The following PDCL3 variants were observed in gnomAD, a reference collection of about 807,000 sequenced individuals.
The protein encoded by PDCL3 is phosducin like 3.
A neutral mutation model predicts 26.5 loss-of-function variants in PDCL3; 22 were observed. That is an observed-to-expected ratio of 0.83 (90% CI 0.59 to 1.19). The LOEUF (loss-of-function observed/expected upper bound fraction) is 1.19. PDCL3 is among the 50% of genes most tolerant of loss of function. The pLI, the probability that PDCL3 is intolerant of heterozygous loss-of-function variation, is 0.00. For missense variants in PDCL3, 246 were observed against 294.1 expected, an observed-to-expected ratio of 0.84 and a Z score of 1.20; for synonymous variants, 81 against 104.9, an observed-to-expected ratio of 0.77 and a Z score of 1.39.
At chr2:100,574,408 G>A (rs1027712384) in intron 5 of PDCL3, among the ~76,000 whole-genome samples, 9 of 150,768 alleles carry the variant, frequency 6.0e-5, no homozygotes, top group African/African-American at 1.5e-4. Flanking sequence ...ACCTAGAGCC[G>A]AAAATACTGG....
chr2:100,569,952 A>G (rs1172369305), intron 4 of PDCL3, among the ~76,000 whole-genome samples: 3 of 152,104 alleles, frequency 2.0e-5, no homozygotes, highest in Admixed American at 2.0e-4. Context: ...TAAAAATACA[A>G]AAACAAAATT....
rs149247434 is a variant in PDCL3 at position 100,571,794 on chromosome 2, A to G, written c.573A>G (p.Arg191=). Residue 191 remains arginine (R), a synonymous_variant, in exon 5 of 6, where the codon AGA becomes AGG. Coordinates refer to ENST00000264254, the MANE Select transcript of PDCL3 (RefSeq NM_024065.5). ...TGTTTGGCGGCATGAACCTGACAAG[A>G]GATGGTAAGGGCTCTGGGAGACAGG... ...PLVFGGMNLT[R]DELEWKLSES... 202 of 1,614,082 alleles carry G rather than the reference A, an allele frequency of 1.3e-4. No homozygotes were observed. The Middle Eastern group carries it at 2.8e-3, about 22-fold the overall frequency.
chr2:100,568,705 TG>T (rs1312859802), intron 2 of PDCL3, among the ~76,000 whole-genome samples: 1 of 151,950 alleles, frequency 6.6e-6, no homozygotes, highest in African/African-American at 2.4e-5. Context: ...TCTGAGGGCT[TG>T]GGTAAAATGT....
Position 100,566,508 on chromosome 2 carries a change from C to T in PDCL3, c.12C>T (p.Pro4=), listed in dbSNP as rs753689639. The T allele has an allele frequency of 6.2e-7, 1 of 1,612,050 alleles. No homozygotes were observed. Among genetic ancestry groups the T allele is most frequent in the Non-Finnish European group, 8.5e-7 (1 of 1,179,764 alleles). MQD[P]NADTEWNDIL... ...CCTTGGTCCCGCTCTTCTAGGACCC[C>T]AACGCAGACACTGAATGGAATGACA... is the stretch of plus-strand genomic sequence containing the variant. The change falls in exon 2 of 6, where the codon CCC becomes CCT. Residue 4 remains proline, a synonymous_variant. Coordinates refer to ENST00000264254, the MANE Select transcript of PDCL3 (RefSeq NM_024065.5).
intron 1 of PDCL3, among the ~76,000 whole-genome samples, chr2:100,564,112 C>G (rs1167129593): frequency 1.3e-5 from 2 of 151,636 alleles, no homozygotes; most frequent in African/African-American, 4.8e-5. Context: ...CCTATGTTGC[C>G]CAGCCTCAGC....
chr2:100,571,858 AGAGTGTC>A, intron 5 of PDCL3, 60 bp downstream of exon 5: 1 of 1,537,550 alleles, frequency 6.5e-7, no homozygotes, highest in South Asian at 1.1e-5. Flanking sequence ...TCTGTTGGAG[AGAGTGTC>A]TATTTCCTGG....
At chr2:100,569,042 CTGTT>C (rs759074866) in intron 3 of PDCL3, 21 bp downstream of exon 3, 22 of 1,580,830 alleles carry the variant, frequency 1.4e-5, no homozygotes, top group South Asian at 3.5e-5. Context: ...CCCAGAGGGG[CTGTT>C]TGTTTTTTTG....
Position 100,563,199 on chromosome 2 carries a change from G to A in PDCL3, c.6+126G>A, listed in dbSNP as rs1674984832. The A allele has an allele frequency of 2.4e-6, 3 of 1,248,654 alleles. No individual in the cohort carries two copies. The Admixed American group carries it at 8.5e-5, about 35-fold the overall frequency. 77.3% of individuals were successfully genotyped at this position (1,248,654 alleles called of 1,614,324 possible). ...GCCGCAGGCACGAGGGAGGCCCGGC[G>A]CGTCCAGGCCCTGCGCAGGCGCAGT... On this transcript the variant is annotated intron_variant, in intron 1 of 5. Coordinates refer to ENST00000264254, the MANE Select transcript of PDCL3 (RefSeq NM_024065.5).
intron 1 of PDCL3, 179 bp downstream of exon 1, chr2:100,563,252 AC>A (rs1230950172): frequency 1.5e-6 from 1 of 655,934 alleles, no homozygotes; most frequent in Non-Finnish European, 2.4e-6. Context: ...TCCCACCAGG[AC>A]CCACGGCCTG....
chr2:100,564,611 T>C (rs879112937), intron 1 of PDCL3, among the ~76,000 whole-genome samples: 2 of 152,194 alleles, frequency 1.3e-5, no homozygotes, highest in Non-Finnish European at 2.9e-5. Context: ...TTTCTTTTGA[T>C]GTATCTCAGA....
At chr2:100,573,119 G>A (rs988088341) in intron 5 of PDCL3, among the ~76,000 whole-genome samples, 2 of 148,936 alleles carry the variant, frequency 1.3e-5, no homozygotes, top group African/African-American at 2.5e-5. Context: ...TCCTGACCTC[G>A]TGATCTGCCC....
intron 2 of PDCL3, among the ~76,000 whole-genome samples, 175 bp downstream of exon 2, chr2:100,566,804 G>A (rs1322881522): frequency 1.3e-5 from 2 of 152,128 alleles, no homozygotes; most frequent in Non-Finnish European, 2.9e-5. Flanking sequence ...ATAGACTTAG[G>A]GGACTTCAGA....
intron 3 of PDCL3, among the ~76,000 whole-genome samples, 200 bp from the exon 4 acceptor site, chr2:100,569,378 G>A (rs544984135): frequency 9.9e-5 from 15 of 152,222 alleles, no homozygotes; most frequent in African/African-American, 3.4e-4. Context: ...TGAAATGTGT[G>A]TCCTTCAAAA....
intron 2 of PDCL3, among the ~76,000 whole-genome samples, chr2:100,566,927 T>C (rs1319347386): frequency 6.6e-6 from 1 of 152,254 alleles, no homozygotes; most frequent in Non-Finnish European, 1.5e-5. Context: ...TCAAGGTTTT[T>C]AGTACTTGTA....
At chr2:100,568,666 G>A (rs1474931662) in intron 2 of PDCL3, among the ~76,000 whole-genome samples, 1 of 152,040 alleles carries the variant, frequency 6.6e-6, no homozygotes, top group Non-Finnish European at 1.5e-5. Flanking sequence ...GCAGGGTGAG[G>A]CGGAATAGGA....
rs1260757889 is a variant in PDCL3 at position 100,576,515 on chromosome 2, A to G, written c.*19A>G. 11 of 1,540,330 alleles carry G rather than the reference A, an allele frequency of 7.1e-6. No homozygotes were observed. In the South Asian group the frequency reaches 1.2e-4, roughly 17 times the overall value. ...TGACTGAGGCTACAGCTTCTATCAC[A>G]TGCCGAACTTTCTTGTGACAAATTG... On this transcript the variant is annotated 3_prime_UTR_variant, in exon 6 of 6. Transcript: ENST00000264254.
At chr2:100,573,118 C>G (rs936651910) in intron 5 of PDCL3, among the ~76,000 whole-genome samples, 4 of 144,208 alleles carry the variant, frequency 2.8e-5, no homozygotes, top group African/African-American at 1.0e-4. Context: ...CTCCTGACCT[C>G]GTGATCTGCC....
intron 1 of PDCL3, among the ~76,000 whole-genome samples, chr2:100,564,557 A>G (rs1675022198): frequency 1.3e-5 from 2 of 152,142 alleles, no homozygotes; most frequent in African/African-American, 2.4e-5. Context: ...AGGCCTTCCA[A>G]AGTGCTGGGA....
Position 100,569,629 on chromosome 2 carries a change from A to G in PDCL3, c.276A>G (p.Gly92=). 16 of 1,613,984 alleles carry G rather than the reference A, an allele frequency of 9.9e-6. No homozygotes were observed. The highest frequency in any genetic ancestry group is 1.3e-5 in the Non-Finnish European group (15 of 1,179,936). Residue 92 remains glycine (G), a synonymous_variant, in exon 4 of 6, where the codon GGA becomes GGG. Coordinates refer to ENST00000264254, the MANE Select transcript of PDCL3 (RefSeq NM_024065.5). ...WKATKLKNKF[G]EVLEISGKDY... ...CAACTAAACTGAAGAATAAATTCGG[A>G]GAAGTTTTGGAGATCTCAGGGAAGG...
Sources: allele counts gnomAD v4.1 joint callset (sites outside exome capture counted in the v4.1 genomes callset), GRCh38; gene constraint gnomAD v4.1.1; transcripts MANE v1.5; gene names NCBI Gene and HGNC (gene_info 2026-07-23, HGNC 2026-07-21).